FADS1: variants seen among roughly 807,000 people sequenced by gnomAD.
The protein encoded by FADS1 is fatty acid desaturase 1, also known as acyl-CoA (8-3)-desaturase.
FADS1 carries 17 observed loss-of-function variants against 61.6 expected under a neutral mutation model. The ratio of observed to expected loss-of-function variants is 0.28; its 90% CI spans 0.19 to 0.41. The LOEUF (loss-of-function observed/expected upper bound fraction) is 0.41, where lower values mean the gene tolerates loss of function less well. Ranked by LOEUF, FADS1 falls within the 10% of genes least tolerant of loss-of-function variation. The pLI is 1.00. For missense variants in FADS1, 387 were observed against 650.9 expected, an observed-to-expected ratio of 0.59 and a Z score of 4.41; for synonymous variants, 238 against 258.7, an observed-to-expected ratio of 0.92 and a Z score of 0.77.
intron 1 of FADS1, among the ~76,000 whole-genome samples, chr11:61,813,839 C>T (rs1421090000): frequency 6.6e-6 from 1 of 151,942 alleles, no homozygotes; most frequent in Non-Finnish European, 1.5e-5. Context: ...GTAGCGGGCG[C>T]CTGTAGTCCC....
Position 61,802,310 on chromosome 11 carries a change from C to CTCT in FADS1, c.*98_*100dup. Reference sequence around the variant, plus strand: ...GCTTTATGTCCCCAAACCCAACCCCCTCTGAGTATTAAACTATAGTGGCAT... The same window carrying CTCT: ...GCTTTATGTCCCCAAACCCAACCCCCTCTTCTGAGTATTAAACTATAGTGGCAT... On this transcript the variant is annotated 3_prime_UTR_variant, in exon 12 of 12. Coordinates refer to ENST00000350997, the MANE Select transcript of FADS1 (RefSeq NM_013402.7). This position sits in a 1 kb window ranked among gnomAD's most constrained non-coding sequence, Gnocchi z 4.2. 9.3e-7 allele frequency: 1 copy of CTCT among 1,071,200 alleles called. No individual in the cohort carries two copies. The highest frequency in any genetic ancestry group is 1.4e-6 in the Non-Finnish European group (1 of 713,174). 66.4% of individuals were successfully genotyped at this position (1,071,200 alleles called of 1,614,324 possible).
At chr11:61,807,360 G>T (rs989903926) in intron 5 of FADS1, among the ~76,000 whole-genome samples, 1 of 152,216 alleles carries the variant, frequency 6.6e-6, no homozygotes, top group South Asian at 2.1e-4. Context: ...GAGGCAGTGC[G>T]CCCGGCCGCC....
chr11:61,813,114 C>T (rs2066942888), intron 2 of FADS1, 129 bp downstream of exon 2: 2 of 738,190 alleles, frequency 2.7e-6, no homozygotes, highest in Admixed American at 4.3e-5. Flanking sequence ...AAGCAGGGAC[C>T]TCAAGACTCC....
In FADS1 at chr11:61,816,857, G is replaced by C; in HGVS notation, c.73C>G (p.Leu25Val). The C allele has an allele frequency of 6.7e-7, 1 of 1,482,434 alleles. No homozygotes were observed. Among genetic ancestry groups the C allele is most frequent in the Admixed American group, 2.4e-5 (1 of 41,392 alleles). 91.8% of individuals were successfully genotyped at this position (1,482,434 alleles called of 1,614,324 possible). A position where few individuals can be genotyped will look rare whatever the true frequency, so the allele number is the denominator to read the frequency against. ...AENPARRRLA[L>V]GARQQIHSWS... ...GAGTGGATTTGCTGGCGCGCGCCCAGAGCCAGCCGCCTGCGCGCCGGGTTT... is the reference window on the plus strand; with the variant it reads ...GAGTGGATTTGCTGGCGCGCGCCCACAGCCAGCCGCCTGCGCGCCGGGTTT... The change falls in exon 1 of 12, where the codon CTG becomes GTG. Residue 25 changes from leucine to valine, a missense_variant. Leu to Val is a conservative substitution (Grantham distance 32, BLOSUM62 1). Coordinates refer to ENST00000350997, the MANE Select transcript of FADS1 (RefSeq NM_013402.7). This position sits in a 1 kb window ranked among gnomAD's most constrained non-coding sequence, Gnocchi z 7.0.
rs1332305201 is a variant in FADS1, at chr11:61,804,774, C to T, written c.977-13G>A. The T allele has an allele frequency of 6.2e-7, 1 of 1,611,984 alleles. No homozygotes were observed. The highest frequency in any genetic ancestry group is 8.5e-7 in the Non-Finnish European group (1 of 1,178,290). ...GCTGGGGGCCCAACTGGGGAGGAAA[C>T]CGAGACAAAGAGGAGGCATGAGCAC... On this transcript the variant is annotated splice_polypyrimidine_tract_variant and intron_variant, in intron 6 of 11. Transcript: ENST00000350997.
Position 61,816,431 on chromosome 11 carries a change from G to C in FADS1, c.375+124C>G. 6.3e-7 allele frequency: 1 copy of C among 1,599,002 alleles called. No individual in the cohort carries two copies. The highest frequency in any genetic ancestry group is 8.5e-7 in the Non-Finnish European group (1 of 1,179,798). ...CACCCAATCACCGGGCAACAGGTAT[G>C]ATCAGGCGCCTCCGGGCTTTCCTCC... On this transcript the variant is annotated intron_variant, in intron 1 of 11. Transcript: ENST00000350997. This position sits in a 1 kb window ranked among gnomAD's most constrained non-coding sequence, Gnocchi z 7.0.
intron 5 of FADS1, among the ~76,000 whole-genome samples, chr11:61,808,415 G>T (rs1022952842): frequency 1.3e-5 from 2 of 152,090 alleles, no homozygotes; most frequent in African/African-American, 4.8e-5. Context: ...TGGGCTGCCT[G>T]TTAGTGAATG....
At chr11:61,814,614 G>C (rs536089013) in intron 1 of FADS1, 1 of 152,334 alleles carries the variant, frequency 6.6e-6, no homozygotes, top group East Asian at 1.9e-4. Context: ...AAAGAACAAT[G>C]CTTCCACAGC....
intron 5 of FADS1, among the ~76,000 whole-genome samples, chr11:61,810,394 T>C (rs1282925886): frequency 6.6e-6 from 1 of 152,184 alleles, no homozygotes; most frequent in Non-Finnish European, 1.5e-5. Context: ...AGGGGAATAC[T>C]TGCCTGGGGC....
chr11:61,816,172 C>G lies in FADS1; in HGVS notation c.375+383G>C, dbSNP rs1565322324. On this transcript the variant is annotated intron_variant, in intron 1 of 11. Transcript: ENST00000350997. This position sits in a 1 kb window ranked among gnomAD's most constrained non-coding sequence, Gnocchi z 7.0. Reference sequence around the variant, plus strand: ...ACAGGATGTGACTCCCTCCCCTGGCCACTGACCCCCTCCCTCCCCAGGCGG... The same window carrying G: ...ACAGGATGTGACTCCCTCCCCTGGCGACTGACCCCCTCCCTCCCCAGGCGG... 1 of 1,275,798 alleles carries G rather than the reference C, an allele frequency of 7.8e-7. No individual in the cohort carries two copies. The highest frequency in any genetic ancestry group is 1.1e-6 in the Non-Finnish European group (1 of 923,844). 79.0% of individuals were successfully genotyped at this position (1,275,798 alleles called of 1,614,324 possible).
chr11:61,804,576 G>T, intron 7 of FADS1, 109 bp downstream of exon 7: 1 of 802,002 alleles, frequency 1.2e-6, no homozygotes, highest in Non-Finnish European at 2.1e-6. Context: ...CTATTATTTT[G>T]TTCTAAATTA....
intron 6 of FADS1, chr11:61,806,146 C>A (rs1285022880): frequency 6.5e-6 from 1 of 154,366 alleles, no homozygotes; most frequent in East Asian, 1.9e-4. Flanking sequence ...CGAGACCATC[C>A]TGGCTAACAA....
chr11:61,812,109 T>C (rs535062080), intron 3 of FADS1: 1 of 340,736 alleles, frequency 2.9e-6, no homozygotes, highest in African/African-American at 2.1e-5. Context: ...AGTCAAGAAT[T>C]AGCGCTCAAT....
chr11:61,816,416 C>T lies in FADS1; in HGVS notation c.375+139G>A, dbSNP rs746557494. On this transcript the variant is annotated intron_variant, in intron 1 of 11. Transcript: ENST00000350997. This position sits in a 1 kb window ranked among gnomAD's most constrained non-coding sequence, Gnocchi z 7.0. ...CCCGCATCCGCAGGACACCCAATCA[C>T]CGGGCAACAGGTATGATCAGGCGCC... is the stretch of plus-strand genomic sequence containing the variant. 6.8e-5 allele frequency: 109 copies of T among 1,598,630 alleles called. 1 individual carries two copies. The highest frequency in any genetic ancestry group is 8.5e-5 in the Non-Finnish European group (100 of 1,179,816).
chr11:61,806,851 C>T, intron 5 of FADS1, 127 bp from the exon 6 acceptor site: 3 of 822,240 alleles, frequency 3.6e-6, no homozygotes, highest in South Asian at 1.4e-5. Flanking sequence ...TATTGGAAAG[C>T]TCCAAGAGGC....
Position 61,816,197 on chromosome 11 carries a change from G to T in FADS1, c.375+358C>A, listed in dbSNP as rs1372133268. The T allele has an allele frequency of 2.0e-6, 3 of 1,501,950 alleles. No homozygotes were observed. Among genetic ancestry groups the T allele is most frequent in the Non-Finnish European group, 2.7e-6 (3 of 1,110,754 alleles). The allele number at this position is 1,501,950 out of a possible 1,614,324, so 93.0% of individuals were successfully genotyped here. ...CACTGACCCCCTCCCTCCCCAGGCG[G>T]CCTGCATCCTTGCTCTCCTCCCTCC... On this transcript the variant is annotated intron_variant, in intron 1 of 11. Coordinates refer to ENST00000350997, the MANE Select transcript of FADS1 (RefSeq NM_013402.7). This position sits in a 1 kb window ranked among gnomAD's most constrained non-coding sequence, Gnocchi z 7.0.
In FADS1 at chr11:61,815,302, G is replaced by T; in HGVS notation, c.375+1253C>A. The stretch of plus-strand genomic sequence containing the variant: ...GCCTGTTTCGTCTGCGCATGCGCCG[G>T]GACACGCCTGCGCCCTTGGCCGCAG... On this transcript the variant is annotated intron_variant, in intron 1 of 11. Coordinates refer to ENST00000350997, the MANE Select transcript of FADS1 (RefSeq NM_013402.7). The surrounding 1 kb of genome is among the most constrained non-coding windows in gnomAD (Gnocchi z 6.4). 1 of 162,566 alleles carries T rather than the reference G, an allele frequency of 6.2e-6. No individual in the cohort carries two copies. The allele number at this position is 162,566 out of a possible 1,614,324, so 10.1% of individuals were successfully genotyped here. A position where few individuals can be genotyped will look rare whatever the true frequency, so the allele number is the denominator to read the frequency against.
chr11:61,804,060 A>G, intron 7 of FADS1: 2 of 470,598 alleles, frequency 4.2e-6, no homozygotes, highest in South Asian at 2.3e-5. Context: ...CGCCAAATGA[A>G]TCTGCCAGGA....
At position 61,816,992 on chromosome 11, in the gene FADS1, A is replaced by G. The variant is rs1247172656; in HGVS notation, c.-63T>C. 16 of 1,336,170 alleles carry G rather than the reference A, an allele frequency of 1.2e-5. No individual in the cohort carries two copies. Among genetic ancestry groups the G allele is most frequent in the Non-Finnish European group, 1.4e-5 (15 of 1,048,348 alleles). The allele number at this position is 1,336,170 out of a possible 1,614,324, so 82.8% of individuals were successfully genotyped here. A position where few individuals can be genotyped will look rare whatever the true frequency, so the allele number is the denominator to read the frequency against. ...CCCCGGTGGGTCTTGGGCAACTCAC[A>G]GCTGGGCTGCCAACACGCGCCCCCT... On this transcript the variant is annotated 5_prime_UTR_variant, in exon 1 of 12. Coordinates refer to ENST00000350997, the MANE Select transcript of FADS1 (RefSeq NM_013402.7). The surrounding 1 kb of genome is among the most constrained non-coding windows in gnomAD (Gnocchi z 7.0).
Sources: gnomAD v4.1 joint callset for allele counts (sites outside exome capture counted in the v4.1 genomes callset) on GRCh38, gnomAD v4.1.1 for gene constraint, Gnocchi (gnomAD v3.1) non-coding constraint, MANE v1.5 for transcripts, NCBI Gene and HGNC (gene_info 2026-07-23, HGNC 2026-07-21) for gene names.